LRP8: variants seen among roughly 807,000 people sequenced by gnomAD.
The protein encoded by LRP8 is LDL receptor related protein 8.
In LRP8, 46 loss-of-function variants were observed where a neutral mutation model predicts 111.6. That is an observed-to-expected ratio of 0.41 (90% CI 0.33 to 0.53). The LOEUF (loss-of-function observed/expected upper bound fraction) is 0.53, where lower values mean the gene tolerates loss of function less well. Among genes scored for constraint, LRP8 ranks in the 20% least tolerant of loss-of-function variants. LRP8 has a pLI of 0.20. For missense variants in LRP8, 959 were observed against 1,297.4 expected (o/e 0.74, Z 4.01); for synonymous variants, 464 against 511.2 (o/e 0.91, Z 1.24).
rs117243891 is a variant in LRP8 at position 53,282,195 on chromosome 1, C to T, written c.368-1480G>A. Among the ~76,000 whole-genome samples the T allele has an allele frequency of 2.5e-3, 381 of 152,280 alleles. 9 individuals are homozygous for T. In the East Asian group the frequency reaches 0.066, roughly 26 times the overall value. Reference sequence around the variant, plus strand: ...AGGTATCTGAGTCAAGGTCCCTGGACACCACTACTGCCATGGGAGAAGAGC... The same window carrying T: ...AGGTATCTGAGTCAAGGTCCCTGGATACCACTACTGCCATGGGAGAAGAGC... On this transcript the variant is annotated intron_variant, in intron 3 of 18. Coordinates refer to ENST00000306052, the MANE Select transcript of LRP8 (RefSeq NM_004631.5).
intron 6 of LRP8, chr1:53,274,681 G>C (rs1373898448): frequency 4.4e-6 from 2 of 456,128 alleles, no homozygotes; most frequent in Non-Finnish European, 8.8e-6. Context: ...CAGCCAGTGG[G>C]CGTAGACAGG....
intron 3 of LRP8, among the ~76,000 whole-genome samples, chr1:53,281,820 G>GT (rs1647121468): frequency 6.6e-6 from 1 of 152,342 alleles, no homozygotes; most frequent in Admixed American, 6.5e-5. Flanking sequence ...ACCCAGCCCA[G>GT]TGCTCACTAA....
intron 2 of LRP8, 116 bp downstream of exon 2, chr1:53,326,757 C>G (rs1305246728): frequency 1.4e-6 from 2 of 1,452,454 alleles, no homozygotes; most frequent in South Asian, 2.9e-5. Context: ...CAGGCTCCGG[C>G]GGCAAGTCCC....
chr1:53,273,350 T>C (rs962241618), intron 6 of LRP8, among the ~76,000 whole-genome samples: 7 of 152,074 alleles, frequency 4.6e-5, no homozygotes, highest in Non-Finnish European at 1.0e-4. Context: ...GCACAAACAG[T>C]CCCATGGACT....
At chr1:53,274,066 C>T (rs1646842590) in intron 6 of LRP8, among the ~76,000 whole-genome samples, 1 of 152,244 alleles carries the variant, frequency 6.6e-6, no homozygotes, top group African/African-American at 2.4e-5. Context: ...CCTGGAGCCT[C>T]TGTTCTTTCT....
intron 16 of LRP8, among the ~76,000 whole-genome samples, chr1:53,251,726 C>A (rs992286849): frequency 1.3e-5 from 2 of 151,310 alleles, no homozygotes; most frequent in South Asian, 2.1e-4. Context: ...GCAGTAAGGC[C>A]AGAAAAAAAT....
rs145692324 is a variant in LRP8 at position 53,260,495 on chromosome 1, A to G, written c.2025T>C (p.Ile675=). 88 of 1,614,048 alleles carry G rather than the reference A, an allele frequency of 5.5e-5. No homozygotes were observed. The African/African-American group carries it at 1.1e-3, about 20-fold the overall frequency. The part of the protein sequence containing the change: ...LAENLNNPHD[I]VIFHELKQPR... ...GCTGCTTCAGCTCATGGAAGATGAC[A>G]ATGTCATGTGGGTTGTTGAGGTTCT... The change falls in exon 13 of 19, where the codon ATT becomes ATC. Residue 675 remains isoleucine, a synonymous_variant. Transcript: ENST00000306052.
chr1:53,249,673 A>G lies in LRP8; in HGVS notation c.2677-117T>C. 2.8e-6 allele frequency: 4 copies of G among 1,410,832 alleles called. No individual in the cohort carries two copies. The highest frequency in any genetic ancestry group is 2.9e-5 in the African/African-American group (2 of 69,062). The allele number at this position is 1,410,832 out of a possible 1,614,324, so 87.4% of individuals were successfully genotyped here. ...GTGGTCCTCATTCCCCCAAAAAGCC[A>G]TGCTGTGTTGTACCTTCAAGCCTTT... is the stretch of plus-strand genomic sequence containing the variant. On this transcript the variant is annotated intron_variant, in intron 17 of 18. Transcript: ENST00000306052. This position sits in a 1 kb window ranked among gnomAD's most constrained non-coding sequence, Gnocchi z 4.1.
At chr1:53,290,770 G>A (rs565381205) in intron 2 of LRP8, among the ~76,000 whole-genome samples, 1 of 152,290 alleles carries the variant, frequency 6.6e-6, no homozygotes, top group Admixed American at 6.5e-5. Flanking sequence ...GCAGGCCCGG[G>A]GGAGAGCAGT....
intron 2 of LRP8, among the ~76,000 whole-genome samples, chr1:53,291,349 G>C (rs531705690): frequency 6.6e-6 from 1 of 152,000 alleles, no homozygotes; most frequent in African/African-American, 2.4e-5. Flanking sequence ...TAACATCAGG[G>C]GCCACTAGGA....
In LRP8 at chr1:53,244,355, A is replaced by G. The variant is rs1485948760; in HGVS notation, c.*2663T>C. The G allele has an allele frequency of 2.6e-5, 4 of 152,236 alleles. No homozygotes were observed. The highest frequency in any genetic ancestry group is 2.6e-4 in the Admixed American group (4 of 15,288). The allele number at this position is 152,236 out of a possible 1,614,324, so 9.4% of individuals were successfully genotyped here. On this transcript the variant is annotated 3_prime_UTR_variant, in exon 19 of 19. Coordinates refer to ENST00000306052, the MANE Select transcript of LRP8 (RefSeq NM_004631.5). ...TGTCTCTGAGCTTCCTTCCAGCTCTATAGTCCAGTGACTCTGTGATCTGTG... is the reference window on the plus strand; with the variant it reads ...TGTCTCTGAGCTTCCTTCCAGCTCTGTAGTCCAGTGACTCTGTGATCTGTG...
At chr1:53,274,763 C>T (rs1301474558) in intron 6 of LRP8, 1 of 456,332 alleles carries the variant, frequency 2.2e-6, no homozygotes, top group South Asian at 1.5e-5. Context: ...CACTTTCCCG[C>T]CGTCCACGCG....
intron 6 of LRP8, among the ~76,000 whole-genome samples, chr1:53,274,059 G>A (rs1427757706): frequency 6.6e-6 from 1 of 152,212 alleles, no homozygotes; most frequent in African/African-American, 2.4e-5. Flanking sequence ...CCTACAGCCT[G>A]GAGCCTCTGT....
chr1:53,322,631 G>A (rs551078624), intron 2 of LRP8, among the ~76,000 whole-genome samples: 3 of 152,286 alleles, frequency 2.0e-5, no homozygotes, highest in African/African-American at 7.2e-5. Flanking sequence ...GGATAGTTGG[G>A]AGCCCCAGGA....
Position 53,246,171 on chromosome 1 carries a change from C to T in LRP8, c.*847G>A, listed in dbSNP as rs2100327657. On this transcript the variant is annotated 3_prime_UTR_variant, in exon 19 of 19. Coordinates refer to ENST00000306052, the MANE Select transcript of LRP8 (RefSeq NM_004631.5). ...CCATGGGTGAGCTGAAAGGCTTTTC[C>T]TGACTTCCTGGGGTCTCAGGAATAG... 1 of 152,304 alleles carries T rather than the reference C, an allele frequency of 6.6e-6. No individual in the cohort carries two copies. Among genetic ancestry groups the T allele is most frequent in the East Asian group, 1.9e-4 (1 of 5,192 alleles). The allele number at this position is 152,304 out of a possible 1,614,324, so 9.4% of individuals were successfully genotyped here. A position where few individuals can be genotyped will look rare whatever the true frequency, so the allele number is the denominator to read the frequency against.
intron 8 of LRP8, among the ~76,000 whole-genome samples, chr1:53,270,214 G>A (rs1488175804): frequency 6.6e-6 from 1 of 152,126 alleles, no homozygotes; most frequent in Non-Finnish European, 1.5e-5. Context: ...GGGAAGTCTA[G>A]AAAATCTCAC....
chr1:53,302,697 C>CA (rs2100499913), intron 2 of LRP8, among the ~76,000 whole-genome samples: 1 of 141,822 alleles, frequency 7.1e-6, no homozygotes, highest in East Asian at 2.1e-4. Flanking sequence ...CAATCAATGC[C>CA]TTTTTTTTTT....
chr1:53,291,948 G>C (rs1192910471), intron 2 of LRP8: 2 of 152,214 alleles, frequency 1.3e-5, no homozygotes, highest in Non-Finnish European at 2.9e-5. Flanking sequence ...AATTCAGCAA[G>C]AATCCAGCTT....
At chr1:53,296,373 G>A (rs1228118629) in intron 2 of LRP8, among the ~76,000 whole-genome samples, 6 of 152,238 alleles carry the variant, frequency 3.9e-5, no homozygotes, top group African/African-American at 1.4e-4. Context: ...AGAGCTGGGT[G>A]CACAGAAGGG....
Sources: allele counts gnomAD v4.1 joint callset (sites outside exome capture counted in the v4.1 genomes callset), GRCh38; gene constraint gnomAD v4.1.1; non-coding constraint Gnocchi (gnomAD v3.1); transcripts MANE v1.5; gene names NCBI Gene and HGNC (gene_info 2026-07-23, HGNC 2026-07-21).